HTR1F: variants seen among roughly 807,000 people sequenced by gnomAD.
The protein encoded by HTR1F is 5-hydroxytryptamine (serotonin) receptor 1F, G protein-coupled.
HTR1F carries 17 observed loss-of-function variants against 24.0 expected under a neutral mutation model. That is an observed-to-expected ratio of 0.71 (90% CI 0.48 to 1.06). The LOEUF is 1.06. Ranked by LOEUF, HTR1F falls within the 50% of genes least tolerant of loss-of-function variation. HTR1F has a pLI of 0.00. For synonymous variants in HTR1F, 186 were observed against 156.8 expected, an observed-to-expected ratio of 1.19 and a Z score of -1.39; for missense variants, 391 against 427.8, an observed-to-expected ratio of 0.91 and a Z score of 0.76.
At chr3:87,854,054 C>T (rs530037601) in intron 2 of HTR1F, among the ~76,000 whole-genome samples, 101 of 152,052 alleles carry the variant, frequency 6.6e-4, no homozygotes, top group Non-Finnish European at 1.1e-3. Flanking sequence ...TTAATGTCAT[C>T]ATTTTAATAT....
intron 2 of HTR1F, among the ~76,000 whole-genome samples, chr3:87,841,132 C>T (rs773440989): frequency 1.0e-4 from 14 of 136,562 alleles, no homozygotes; most frequent in South Asian, 2.3e-4. Context: ...GCTTATTAGC[C>T]GGATTTAATC....
chr3:87,908,347 A>T (rs761502895), intron 2 of HTR1F, among the ~76,000 whole-genome samples: 3 of 152,008 alleles, frequency 2.0e-5, no homozygotes, highest in Non-Finnish European at 4.4e-5. Flanking sequence ...TTGCTAAGTT[A>T]TTATTATGAA....
At chr3:87,952,043 T>C (rs1704845449) in intron 2 of HTR1F, among the ~76,000 whole-genome samples, 1 of 152,086 alleles carries the variant, frequency 6.6e-6, no homozygotes, top group South Asian at 2.1e-4. Context: ...ATTGTCTGGA[T>C]GTACCACAGT....
intron 2 of HTR1F, among the ~76,000 whole-genome samples, chr3:87,859,934 T>A (rs1847313): frequency 0.12 from 18,472 of 152,174 alleles, 1,426 homozygotes; most frequent in African/African-American, 0.21. Flanking sequence ...TTGACCTAAA[T>A]TGATATCTTA....
At chr3:87,915,426 G>A (rs555440498) in intron 2 of HTR1F, among the ~76,000 whole-genome samples, 7 of 152,002 alleles carry the variant, frequency 4.6e-5, no homozygotes, top group Admixed American at 1.3e-4. Context: ...AGAGAAAGGC[G>A]AAGCCCAATG....
At chr3:87,814,857 T>C (rs2107107299) in intron 1 of HTR1F, among the ~76,000 whole-genome samples, 1 of 152,282 alleles carries the variant, frequency 6.6e-6, no homozygotes, top group African/African-American at 2.4e-5. Flanking sequence ...GTTGTTAATA[T>C]ACCTACATAG....
At chr3:87,898,776 C>G (rs1363225673) in intron 2 of HTR1F, among the ~76,000 whole-genome samples, 2 of 151,588 alleles carry the variant, frequency 1.3e-5, no homozygotes, top group Non-Finnish European at 2.9e-5. Context: ...TTAGTTATTT[C>G]TTGCTGAAAT....
chr3:87,882,647 T>C (rs914867597), intron 2 of HTR1F, among the ~76,000 whole-genome samples: 15 of 144,434 alleles, frequency 1.0e-4, no homozygotes, highest in South Asian at 2.2e-4. Context: ...TAGGTGGGAA[T>C]TGAACAATGA....
chr3:87,914,535 T>A (rs549407776), intron 2 of HTR1F, among the ~76,000 whole-genome samples: 97 of 152,096 alleles, frequency 6.4e-4, no homozygotes, highest in African/African-American at 2.2e-3. Context: ...GCCTTTCTGA[T>A]TGTTTAGGAG....
At chr3:87,855,343 T>C (rs1393921) in intron 2 of HTR1F, among the ~76,000 whole-genome samples, 23,497 of 151,928 alleles carry the variant, frequency 0.15, 2,060 homozygotes, top group African/African-American at 0.24. Flanking sequence ...CTCTTCCTGA[T>C]AATCCAGGGA....
chr3:87,920,847 C>A (rs1174489775), intron 2 of HTR1F, among the ~76,000 whole-genome samples: 1 of 151,886 alleles, frequency 6.6e-6, no homozygotes, highest in Non-Finnish European at 1.5e-5. Flanking sequence ...ATATAACAAA[C>A]CCTGAACATC....
intron 2 of HTR1F, among the ~76,000 whole-genome samples, chr3:87,857,414 T>C (rs760582772): frequency 1.3e-5 from 2 of 152,134 alleles, no homozygotes; most frequent in Non-Finnish European, 2.9e-5. Context: ...AAGCCAGTCA[T>C]GCAGATTTAT....
chr3:87,889,957 C>G (rs1051656323), intron 2 of HTR1F, among the ~76,000 whole-genome samples: 3 of 152,116 alleles, frequency 2.0e-5, no homozygotes, highest in African/African-American at 7.2e-5. Flanking sequence ...CATAAAAATG[C>G]TTTGTAAATA....
chr3:87,898,581 A>G (rs1373928806), intron 2 of HTR1F, among the ~76,000 whole-genome samples: 1 of 152,212 alleles, frequency 6.6e-6, no homozygotes, highest in Non-Finnish European at 1.5e-5. Context: ...ATTAGAAAAA[A>G]TAATTTTATA....
chr3:87,947,995 T>A (rs116133467), intron 2 of HTR1F, among the ~76,000 whole-genome samples: 39 of 152,328 alleles, frequency 2.6e-4, no homozygotes, highest in Middle Eastern at 3.4e-3. Context: ...CTCATATGTA[T>A]GTTTTTGTCA....
In HTR1F at chr3:87,825,224, A is replaced by G. The variant is rs537689916; in HGVS notation, c.-43+3100A>G. Among the ~76,000 whole-genome samples, 6 of 152,292 alleles carry G rather than the reference A, an allele frequency of 3.9e-5. No individual in the cohort carries two copies. In the South Asian group the frequency reaches 1.2e-3, roughly 32 times the overall value. On this transcript the variant is annotated intron_variant, in intron 2 of 2. Coordinates refer to ENST00000319595, the MANE Select transcript of HTR1F (RefSeq NM_001322209.2). ...AAGAGTAGTGTCTGTTTCAGAACTC[A>G]CAGTTGTGTATGATATATTTAAATG...
At chr3:87,793,782 G>T (rs898933569) in intron 1 of HTR1F, among the ~76,000 whole-genome samples, 2 of 152,100 alleles carry the variant, frequency 1.3e-5, no homozygotes, top group African/African-American at 4.8e-5. Flanking sequence ...AAGCCTTAAG[G>T]AGCAGATTTT....
At chr3:87,898,350 T>C (rs774333940) in intron 2 of HTR1F, among the ~76,000 whole-genome samples, 2 of 152,178 alleles carry the variant, frequency 1.3e-5, no homozygotes, top group Non-Finnish European at 2.9e-5. Flanking sequence ...CCCAGAATTA[T>C]GAAATCTCTT....
chr3:87,900,683 G>T (rs1706301430), intron 2 of HTR1F, among the ~76,000 whole-genome samples: 1 of 152,144 alleles, frequency 6.6e-6, no homozygotes, highest in Non-Finnish European at 1.5e-5. Flanking sequence ...TAAAGTTAGA[G>T]CCAATAAAAT....
Sources: gnomAD v4.1 joint callset for allele counts (sites outside exome capture counted in the v4.1 genomes callset) on GRCh38, gnomAD v4.1.1 for gene constraint, MANE v1.5 for transcripts, NCBI Gene and HGNC (gene_info 2026-07-23, HGNC 2026-07-21) for gene names.